SMOC1: variants seen among roughly 807,000 people sequenced by gnomAD.
The protein encoded by SMOC1 is SPARC-related modular calcium-binding protein 1.
Under a neutral mutation model 56.3 loss-of-function variants are expected in SMOC1, and 22 were observed. The ratio of observed to expected loss-of-function variants is 0.39; its 90% CI spans 0.28 to 0.56. SMOC1 has a LOEUF of 0.56. Among genes scored for constraint, SMOC1 ranks in the 20% least tolerant of loss-of-function variants. The pLI is 0.61. For synonymous variants in SMOC1, 193 were observed against 215.0 expected (o/e 0.90, Z 0.89); for missense variants, 509 against 565.4 (o/e 0.90, Z 1.01).
intron 1 of SMOC1, among the ~76,000 whole-genome samples, chr14:69,947,297 G>A (rs1882819800): frequency 6.6e-6 from 1 of 151,958 alleles, no homozygotes; most frequent in Admixed American, 6.6e-5. Context: ...AGCCTCCCAA[G>A]TAACTAGGGC....
intron 7 of SMOC1, among the ~76,000 whole-genome samples, chr14:69,995,667 C>T (rs1195132488): frequency 3.9e-5 from 6 of 152,190 alleles, no homozygotes; most frequent in Non-Finnish European, 7.3e-5. Context: ...ACAATCTCTC[C>T]CTCAAAGGAC....
chr14:69,947,698 T>C (rs1299298185), intron 1 of SMOC1, among the ~76,000 whole-genome samples: 1 of 152,220 alleles, frequency 6.6e-6, no homozygotes, highest in Non-Finnish European at 1.5e-5. Context: ...GGCTGTTGCA[T>C]ACGGTAGCCT....
Position 69,879,826 on chromosome 14 carries a change from G to T in SMOC1, c.99+49G>T. The T allele has an allele frequency of 2.0e-6, 3 of 1,464,368 alleles. No individual in the cohort carries two copies. In the South Asian group the frequency reaches 3.7e-5, roughly 18 times the overall value. 90.7% of individuals were successfully genotyped at this position (1,464,368 alleles called of 1,614,324 possible). ...CCCACCTGCGGAGGGAGGGGAGGTT[G>T]CTTCCCCCCTCATCCCTGAGGGAAG... On this transcript the variant is annotated intron_variant, in intron 1 of 11. Transcript: ENST00000361956.
Position 69,917,005 on chromosome 14 carries a change from G to A in SMOC1, c.100-35133G>A, listed in dbSNP as rs534723354. ...TCAGACTGACCATGCATTATAATACGGTGGTGGTTTTCATACTTTTAAACA... is the reference window on the plus strand; with the variant it reads ...TCAGACTGACCATGCATTATAATACAGTGGTGGTTTTCATACTTTTAAACA... On this transcript the variant is annotated intron_variant, in intron 1 of 11. Coordinates refer to ENST00000361956, the MANE Select transcript of SMOC1 (RefSeq NM_001034852.3). Among the ~76,000 whole-genome samples, 6 of 152,308 alleles carry A rather than the reference G, an allele frequency of 3.9e-5. No homozygotes were observed. The South Asian group carries it at 8.3e-4, about 21-fold the overall frequency.
At chr14:69,964,177 C>G (rs1420758254) in intron 3 of SMOC1, among the ~76,000 whole-genome samples, 4 of 152,054 alleles carry the variant, frequency 2.6e-5, no homozygotes, top group Non-Finnish European at 4.4e-5. Flanking sequence ...CCCTGTAGCC[C>G]TTAGTGATTC....
chr14:70,019,248 A>G (rs1302878765), intron 10 of SMOC1, among the ~76,000 whole-genome samples: 1 of 152,224 alleles, frequency 6.6e-6, no homozygotes, highest in African/African-American at 2.4e-5. Flanking sequence ...GGACAGTCAC[A>G]AAAACAGCCC....
intron 7 of SMOC1, among the ~76,000 whole-genome samples, chr14:70,008,981 G>C (rs529173368): frequency 1.3e-5 from 2 of 152,282 alleles, no homozygotes; most frequent in African/African-American, 2.4e-5. Context: ...TCCCTGCTCA[G>C]TTTCTGTCTC....
At chr14:69,957,219 A>G (rs1261864152) in intron 3 of SMOC1, among the ~76,000 whole-genome samples, 1 of 152,240 alleles carries the variant, frequency 6.6e-6, no homozygotes, top group East Asian at 1.9e-4. Context: ...GGCTGTCACC[A>G]TCAGGCTGTG....
intron 9 of SMOC1, among the ~76,000 whole-genome samples, chr14:70,012,830 G>C (rs564610969): frequency 3.9e-5 from 6 of 152,306 alleles, no homozygotes; most frequent in African/African-American, 1.4e-4. Context: ...CAAGGACTTG[G>C]GAGTATTTAC....
chr14:69,929,839 G>A (rs932443951), intron 1 of SMOC1, among the ~76,000 whole-genome samples: 2 of 152,180 alleles, frequency 1.3e-5, no homozygotes, highest in Admixed American at 1.3e-4. Context: ...GGACAGGGAA[G>A]GAGGCAGCCC....
intron 1 of SMOC1, among the ~76,000 whole-genome samples, chr14:69,945,875 C>T (rs367911767): frequency 3.9e-5 from 6 of 152,118 alleles, no homozygotes; most frequent in East Asian, 1.9e-4. Context: ...GCATGGCTAT[C>T]GTCTCCTTCT....
intron 2 of SMOC1, 57 bp downstream of exon 2, chr14:69,952,360 T>A: frequency 6.2e-7 from 1 of 1,602,662 alleles, no homozygotes; most frequent in Non-Finnish European, 8.5e-7. Flanking sequence ...CCCAGCTCCC[T>A]CACTATGCAT....
chr14:69,889,780 T>G (rs1248572907), intron 1 of SMOC1, among the ~76,000 whole-genome samples: 1 of 152,200 alleles, frequency 6.6e-6, no homozygotes, highest in Non-Finnish European at 1.5e-5. Context: ...TCTATTTTCT[T>G]GCCTTTTCCA....
chr14:70,011,535 C>T lies in SMOC1; in HGVS notation c.908C>T (p.Ala303Val), dbSNP rs768625363. ...GACGCCAGGGCCAAGACTACAGAGG[C>T]GGATGACCCCTTCAAGGACAGGGAG... ...ESDARAKTTEADDPFKDRELP... is the reference protein window; with the variant it reads ...ESDARAKTTEVDDPFKDRELP... Residue 303 changes from alanine to valine, a missense_variant, in exon 9 of 12, where the codon GCG becomes GTG. Transcript: ENST00000361956. 64 of 1,606,914 alleles carry T rather than the reference C, an allele frequency of 4.0e-5. No individual in the cohort carries two copies. Among genetic ancestry groups the T allele is most frequent in the African/African-American group, 1.4e-4 (10 of 74,064 alleles).
intron 3 of SMOC1, among the ~76,000 whole-genome samples, chr14:69,972,145 T>C (rs1883783533): frequency 6.6e-6 from 1 of 152,316 alleles, no homozygotes; most frequent in African/African-American, 2.4e-5. Flanking sequence ...CTTAGTGTGA[T>C]TGAAAAGCTT....
intron 1 of SMOC1, among the ~76,000 whole-genome samples, chr14:69,920,826 G>A (rs887605830): frequency 1.3e-5 from 2 of 152,216 alleles, no homozygotes; most frequent in African/African-American, 4.8e-5. Flanking sequence ...AAGAGGACTT[G>A]CCCAGTGAAG....
intron 11 of SMOC1, 143 bp downstream of exon 11, chr14:70,023,590 A>G: frequency 8.0e-7 from 1 of 1,255,988 alleles, no homozygotes; most frequent in Non-Finnish European, 1.1e-6. Flanking sequence ...TTCATGCTAG[A>G]TGTTTGAGAC....
At position 69,893,261 on chromosome 14, in the gene SMOC1, C is replaced by T. The variant is rs1594789028; in HGVS notation, c.99+13484C>T. On this transcript the variant is annotated intron_variant, in intron 1 of 11. Coordinates refer to ENST00000361956, the MANE Select transcript of SMOC1 (RefSeq NM_001034852.3). ...TGTGATGTTAGCACCCATTGATGAT[C>T]ATTGCTAGACCTGTTAATTCACTGA... 2.6e-5 allele frequency among the ~76,000 whole-genome samples: 4 copies of T among 152,318 alleles called. No individual in the cohort carries two copies. The South Asian group carries it at 8.3e-4, about 32-fold the overall frequency.
chr14:69,955,368 G>A (rs1302841123), intron 3 of SMOC1, among the ~76,000 whole-genome samples: 2 of 152,116 alleles, frequency 1.3e-5, no homozygotes, highest in East Asian at 3.9e-4. Context: ...AAGTCCCCGA[G>A]CTTCTCTGGG....
Sources: allele counts gnomAD v4.1 joint callset (sites outside exome capture counted in the v4.1 genomes callset), GRCh38; gene constraint gnomAD v4.1.1; transcripts MANE v1.5; gene names NCBI Gene and HGNC (gene_info 2026-07-23, HGNC 2026-07-21).